The following CACNG6 variants were observed in gnomAD, a reference collection of about 807,000 sequenced individuals.
CACNG6 encodes calcium voltage-gated channel auxiliary subunit gamma 6, also known as voltage-dependent calcium channel gamma-6 subunit.
In CACNG6, 21 loss-of-function variants were observed where a neutral mutation model predicts 23.9. The ratio of observed to expected loss-of-function variants is 0.88; its 90% CI spans 0.62 to 1.26. CACNG6 has a LOEUF of 1.26. Among genes scored for constraint, CACNG6 ranks in the 50% most tolerant of loss-of-function variants. The pLI is 0.00. For missense variants in CACNG6, 340 were observed against 352.9 expected (o/e 0.96, Z 0.29); for synonymous variants, 182 against 168.9 (o/e 1.08, Z -0.60).
chr19:53,997,981 A>C (rs577305669), intron 1 of CACNG6, among the ~76,000 whole-genome samples: 117 of 152,290 alleles, frequency 7.7e-4, no homozygotes, highest in African/African-American at 2.6e-3. Context: ...AAGAGGAGGA[A>C]CTAGAGACCC....
chr19:54,004,338 TGTGTGTGTGTGTGTG>T (rs1568816142), intron 3 of CACNG6, among the ~76,000 whole-genome samples: 2,416 of 20,726 alleles, frequency 0.12, 134 homozygotes, highest in African/African-American at 0.26. Flanking sequence ...TGTATTTTTG[TGTGTGTGTGTGTGTG>T]TGTGTGTGTG....
intron 3 of CACNG6, among the ~76,000 whole-genome samples, chr19:54,006,385 G>A (rs886323058): frequency 2.6e-5 from 4 of 151,974 alleles, no homozygotes; most frequent in Non-Finnish European, 4.4e-5. Context: ...GGAGGCTGGA[G>A]GTCTAAGACC....
chr19:54,004,127 G>A (rs1168695045), intron 3 of CACNG6, among the ~76,000 whole-genome samples: 3 of 151,906 alleles, frequency 2.0e-5, no homozygotes, highest in Admixed American at 1.3e-4. Context: ...AAACTATTGG[G>A]ATGACAGGCA....
intron 3 of CACNG6, among the ~76,000 whole-genome samples, chr19:54,011,190 T>TAA (rs142489178): frequency 0.042 from 2,502 of 58,978 alleles, 41 homozygotes; most frequent in East Asian, 0.097. Context: ...CCGTCTCTAC[T>TAA]AAAAAAAAAA....
Position 53,993,104 on chromosome 19 carries a change from G to A in CACNG6, c.227G>A (p.Cys76Tyr), listed in dbSNP as rs1275790837. 18 of 1,546,840 alleles carry A rather than the reference G, an allele frequency of 1.2e-5. No homozygotes were observed. The highest frequency in any genetic ancestry group is 1.4e-5 in the Non-Finnish European group (16 of 1,145,348). ...TACAAGGCCAACGGCAGCGCCGTGT[G>A]CGAAGCGGCCCACCTGGGGCTGTGG... The part of the protein sequence containing the change: ...NTYKANGSAV[C>Y]EAAHLGLWKA... The change falls in exon 1 of 4, where the codon TGC (cysteine) becomes TAC (tyrosine). Residue 76 changes from cysteine (C) to tyrosine (Y), a missense_variant. Transcript: ENST00000252729.
intron 3 of CACNG6, among the ~76,000 whole-genome samples, chr19:54,003,670 C>T (rs2069603939): frequency 6.6e-6 from 1 of 151,964 alleles, no homozygotes; most frequent in Admixed American, 6.6e-5. Flanking sequence ...CATCCACCAG[C>T]AAATTCTATT....
rs1006121350 is a variant in CACNG6, at chr19:53,991,836, G to A, written c.-1042G>A. ...CCCTGGGAGCCCGGGGGAGGGAGAC[G>A]GACTGATCCCGAAGGGGCGCAGCGT... is the stretch of plus-strand genomic sequence containing the variant. On this transcript the variant is annotated 5_prime_UTR_variant, in exon 1 of 4. Transcript: ENST00000252729. Among the ~76,000 whole-genome samples the A allele has an allele frequency of 2.0e-5, 3 of 152,198 alleles. No individual in the cohort carries two copies. The highest frequency in any genetic ancestry group is 4.8e-5 in the African/African-American group (2 of 41,440).
In CACNG6 at chr19:54,012,135, G is replaced by C; in HGVS notation, c.729G>C (p.Leu243=). 6.5e-7 allele frequency: 1 copy of C among 1,538,178 alleles called. No individual in the cohort carries two copies. The highest frequency in any genetic ancestry group is 8.7e-7 in the Non-Finnish European group (1 of 1,143,260). Residue 243 remains leucine, a synonymous_variant, in exon 4 of 4, where the codon CTG becomes CTC. Transcript: ENST00000252729. ...CCGGCTGCTTTCTGCTGCTCACACT[G>C]CCTTCCTGGCCCTGGGGGTCCCTCT... is the stretch of plus-strand genomic sequence containing the variant. ...LGAGCFLLLT[L]PSWPWGSLCP... is the part of the protein sequence containing the mutation.
In CACNG6 at chr19:54,012,011, G is replaced by C; in HGVS notation, c.605G>C (p.Arg202Thr). The C allele has an allele frequency of 6.2e-7, 1 of 1,603,558 alleles. No individual in the cohort carries two copies. Among genetic ancestry groups the C allele is most frequent in the Non-Finnish European group, 8.5e-7 (1 of 1,175,584 alleles). ...CATTCCGTGAGGGCCCTGCTGCAGA[G>C]AGTCAGCCCGGAGCCTCCCCCGGCC... ...FRHSVRALLQ[R>T]VSPEPPPAPR... is the part of the protein sequence containing the mutation. The change falls in exon 4 of 4, where the codon AGA becomes ACA. Residue 202 changes from arginine (R) to threonine (T), a missense_variant. By Grantham distance (71) the Arg-to-Thr change is moderately conservative. Coordinates refer to ENST00000252729, the MANE Select transcript of CACNG6 (RefSeq NM_145814.2).
At chr19:53,996,067 G>A (rs564085016) in intron 1 of CACNG6, among the ~76,000 whole-genome samples, 40 of 152,242 alleles carry the variant, frequency 2.6e-4, no homozygotes, top group Non-Finnish European at 4.4e-4. Flanking sequence ...GGGAGCGCCC[G>A]CCCACACCAC....
intron 3 of CACNG6, among the ~76,000 whole-genome samples, chr19:54,007,487 T>C (rs759750360): frequency 2.6e-5 from 4 of 152,252 alleles, no homozygotes; most frequent in African/African-American, 2.4e-5. Flanking sequence ...TGTCCATCTC[T>C]CCTTCTTGGA....
chr19:54,009,212 G>T (rs1317312001), intron 3 of CACNG6, among the ~76,000 whole-genome samples: 1 of 152,148 alleles, frequency 6.6e-6, no homozygotes, highest in African/African-American at 2.4e-5. Flanking sequence ...CACAAGGTCA[G>T]AAGTTCGAGA....
chr19:54,005,557 C>A (rs1336061990), intron 3 of CACNG6, among the ~76,000 whole-genome samples: 1 of 151,478 alleles, frequency 6.6e-6, no homozygotes, highest in Non-Finnish European at 1.5e-5. Flanking sequence ...AGTTCGAGAC[C>A]AGCCTGGCCA....
Position 53,992,025 on chromosome 19 carries a change from ACT to A in CACNG6, c.-850_-849del, listed in dbSNP as rs2069466371. Among the ~76,000 whole-genome samples the A allele has an allele frequency of 6.6e-6, 1 of 151,712 alleles. No individual in the cohort carries two copies. ...CCGTAGCCTCCCGCCTCTGGACTCC[ACT>A]CTGTCTTCCGGCCACCGGCCCCTTT... On this transcript the variant is annotated 5_prime_UTR_variant, in exon 1 of 4. Transcript: ENST00000252729. The surrounding 1 kb of genome is among the most constrained non-coding windows in gnomAD (Gnocchi z 4.1).
At chr19:54,001,790 T>C (rs1600058248) in intron 3 of CACNG6, among the ~76,000 whole-genome samples, 1 of 152,046 alleles carries the variant, frequency 6.6e-6, no homozygotes, top group African/African-American at 2.4e-5. Context: ...GAGACTGGTG[T>C]AAAAGATGTC....
chr19:54,002,295 T>TTG (rs2069587919), intron 3 of CACNG6, among the ~76,000 whole-genome samples: 1 of 146,178 alleles, frequency 6.8e-6, no homozygotes, highest in African/African-American at 2.7e-5. Context: ...TTTTTTTTTT[T>TTG]TTTGTAGAGA....
intron 3 of CACNG6, 29 bp downstream of exon 3, chr19:53,999,800 ACATTG>A (rs746950465): frequency 3.1e-6 from 5 of 1,610,350 alleles, no homozygotes; most frequent in Non-Finnish European, 4.2e-6. Context: ...GAGGCTGAGG[ACATTG>A]CATGCTGGGA....
Position 53,992,975 on chromosome 19 carries a change from C to A in CACNG6, c.98C>A (p.Pro33His), listed in dbSNP as rs377123441. Residue 33 changes from proline to histidine, a missense_variant, in exon 1 of 4, where the codon CCC becomes CAC. Pro to His is a moderately conservative substitution (Grantham distance 77). Transcript: ENST00000252729. This position sits in a 1 kb window ranked among gnomAD's most constrained non-coding sequence, Gnocchi z 4.1. ...GGGCAGGGCAGGTCGGGGCTGACGCCCGAGCGCGAGGGGAAGGTGAAGCTG... is the reference window on the plus strand; with the variant it reads ...GGGCAGGGCAGGTCGGGGCTGACGCACGAGCGCGAGGGGAAGGTGAAGCTG... ...AHGQGRSGLT[P>H]EREGKVKLAL... 22 of 1,434,144 alleles carry A rather than the reference C, an allele frequency of 1.5e-5. No homozygotes were observed. The African/African-American group carries it at 3.2e-4, about 21-fold the overall frequency. The allele number at this position is 1,434,144 out of a possible 1,614,324, so 88.8% of individuals were successfully genotyped here.
chr19:53,991,623 C>A (rs1215867892), upstream of CACNG6, among the ~76,000 whole-genome samples: 1 of 151,176 alleles, frequency 6.6e-6, no homozygotes, highest in African/African-American at 2.4e-5. Flanking sequence ...CGAGGCCGGG[C>A]GCGGGCGGAG....
Sources: gnomAD v4.1 joint callset for allele counts (sites outside exome capture counted in the v4.1 genomes callset) on GRCh38, gnomAD v4.1.1 for gene constraint, Gnocchi (gnomAD v3.1) non-coding constraint, MANE v1.5 for transcripts, NCBI Gene and HGNC (gene_info 2026-07-23, HGNC 2026-07-21) for gene names.